CCDC192: variants seen among roughly 807,000 people sequenced by gnomAD.
CCDC192 encodes coiled-coil domain-containing protein 192.
At chr5:127,781,620 G>A (rs913927385) in intron 3 of CCDC192, among the ~76,000 whole-genome samples, 3 of 148,144 alleles carry the variant, frequency 2.0e-5, no homozygotes, top group African/African-American at 7.5e-5. Flanking sequence ...GGTTGAGTTC[G>A]TGATTTGATT....
chr5:127,844,668 T>C (rs911683712), intron 5 of CCDC192, among the ~76,000 whole-genome samples: 3 of 152,182 alleles, frequency 2.0e-5, no homozygotes, highest in African/African-American at 7.2e-5. Context: ...ATGAGTGAGA[T>C]ATTTTGGGGA....
At chr5:127,889,853 G>T (rs934369315) in intron 6 of CCDC192, among the ~76,000 whole-genome samples, 5 of 151,070 alleles carry the variant, frequency 3.3e-5, no homozygotes, top group Admixed American at 2.6e-4. Flanking sequence ...ACCTCCTCTG[G>T]CCATGCCACT....
chr5:127,853,113 A>G (rs980368612), intron 5 of CCDC192, among the ~76,000 whole-genome samples: 82 of 152,132 alleles, frequency 5.4e-4, no homozygotes, highest in African/African-American at 1.9e-3. Context: ...TGCTATCCCC[A>G]TGCTGAAAGA....
intron 5 of CCDC192, among the ~76,000 whole-genome samples, chr5:127,867,985 G>T (rs1275882521): frequency 6.6e-6 from 1 of 150,936 alleles, no homozygotes; most frequent in Non-Finnish European, 1.5e-5. Flanking sequence ...TTTGCTAGTA[G>T]ACATTGATCC....
chr5:127,835,743 G>A (rs1340042037), intron 5 of CCDC192, among the ~76,000 whole-genome samples: 1 of 152,112 alleles, frequency 6.6e-6, no homozygotes, highest in Non-Finnish European at 1.5e-5. Context: ...AAAACCATCA[G>A]ATCTTGTGAG....
chr5:127,832,817 G>T (rs1162886134), intron 5 of CCDC192, among the ~76,000 whole-genome samples: 1 of 152,044 alleles, frequency 6.6e-6, no homozygotes, highest in Non-Finnish European at 1.5e-5. Context: ...AAATTCCCTG[G>T]AGCATGGGCA....
chr5:127,809,000 G>A (rs1757939989), intron 5 of CCDC192, among the ~76,000 whole-genome samples: 1 of 152,058 alleles, frequency 6.6e-6, no homozygotes, highest in Non-Finnish European at 1.5e-5. Context: ...AAGATACTAA[G>A]AGATTTATTT....
chr5:127,770,140 A>T (rs1755466621), intron 3 of CCDC192, among the ~76,000 whole-genome samples: 1 of 152,206 alleles, frequency 6.6e-6, no homozygotes, highest in Non-Finnish European at 1.5e-5. Context: ...GCTAGAGTGC[A>T]GTGGCATGAT....
intron 5 of CCDC192, among the ~76,000 whole-genome samples, chr5:127,848,159 T>G (rs1750646755): frequency 6.6e-6 from 1 of 152,142 alleles, no homozygotes; most frequent in African/African-American, 2.4e-5. Context: ...CTAAGCATGG[T>G]CCTGGTTCTC....
intron 6 of CCDC192, among the ~76,000 whole-genome samples, chr5:127,906,668 C>T (rs1753202927): frequency 6.6e-6 from 1 of 152,046 alleles, no homozygotes; most frequent in African/African-American, 2.4e-5. Flanking sequence ...TGTCTGTGGT[C>T]CCAGCTACTT....
At chr5:127,933,424 C>G (rs1417209366) in intron 6 of CCDC192, among the ~76,000 whole-genome samples, 2 of 152,166 alleles carry the variant, frequency 1.3e-5, no homozygotes, top group Non-Finnish European at 2.9e-5. Context: ...AGCATGGGCA[C>G]TGGAGTGAGT....
intron 2 of CCDC192, among the ~76,000 whole-genome samples, chr5:127,752,181 G>A (rs543099270): frequency 2.0e-5 from 3 of 152,334 alleles, no homozygotes; most frequent in South Asian, 2.1e-4. Context: ...TTTGGAGGAG[G>A]AGAGGCACTC....
At chr5:127,727,676 C>G (rs1353723291) in intron 2 of CCDC192, among the ~76,000 whole-genome samples, 1 of 152,138 alleles carries the variant, frequency 6.6e-6, no homozygotes, top group Non-Finnish European at 1.5e-5. Context: ...GGGAACAGAA[C>G]TGGGCTGAGG....
intron 2 of CCDC192, among the ~76,000 whole-genome samples, chr5:127,739,242 G>GGGGGTCA (rs1277092748): frequency 7.9e-5 from 12 of 152,266 alleles, no homozygotes; most frequent in African/African-American, 2.4e-4. Context: ...TAGGCTGCCC[G>GGGGGTCA]GGGGTCAGGG....
chr5:127,894,819 GCCAA>G (rs1752833281), intron 6 of CCDC192, among the ~76,000 whole-genome samples: 1 of 152,166 alleles, frequency 6.6e-6, no homozygotes, highest in Non-Finnish European at 1.5e-5. Flanking sequence ...GCTAAATCCA[GCCAA>G]CCAAAGTGTT....
intron 6 of CCDC192, among the ~76,000 whole-genome samples, chr5:127,891,811 G>T (rs1170892043): frequency 6.6e-6 from 1 of 152,038 alleles, no homozygotes; most frequent in East Asian, 1.9e-4. Flanking sequence ...CCACATTCTG[G>T]TTCTTTCTAC....
intron 6 of CCDC192, among the ~76,000 whole-genome samples, chr5:127,929,061 G>A (rs1234594866): frequency 2.0e-5 from 3 of 152,036 alleles, no homozygotes; most frequent in Non-Finnish European, 4.4e-5. Context: ...CACCATGCCC[G>A]GACTCAGCCA....
intron 5 of CCDC192, among the ~76,000 whole-genome samples, chr5:127,829,082 G>A (rs1749670581): frequency 6.6e-6 from 1 of 152,126 alleles, no homozygotes; most frequent in Non-Finnish European, 1.5e-5. Flanking sequence ...GATGGGAGAT[G>A]TCTAGAGGGA....
intron 1 of CCDC192, 108 bp from the exon 2 acceptor site, chr5:127,707,601 T>A (rs1751044990): frequency 1.8e-5 from 7 of 388,496 alleles, no homozygotes; most frequent in Non-Finnish European, 3.2e-5. Flanking sequence ...AAAATTTATT[T>A]TAAATGTTAC....
Sources: allele counts gnomAD v4.1 joint callset (sites outside exome capture counted in the v4.1 genomes callset), GRCh38; gene constraint gnomAD v4.1.1; transcripts MANE v1.5; gene names NCBI Gene and HGNC (gene_info 2026-07-23, HGNC 2026-07-21).